The following ZSWIM5 variants were observed in gnomAD, a reference collection of about 807,000 sequenced individuals.
ZSWIM5 encodes zinc finger SWIM-type containing 5.
ZSWIM5 carries 55 observed loss-of-function variants against 119.6 expected under a neutral mutation model. The ratio of observed to expected loss-of-function variants is 0.46; its 90% CI spans 0.37 to 0.58. The LOEUF is 0.58. Among genes scored for constraint, ZSWIM5 ranks in the 20% least tolerant of loss-of-function variants. ZSWIM5 has a pLI of 0.00. For missense variants in ZSWIM5, 1,193 were observed against 1,512.8 expected (o/e 0.79, Z 3.51); for synonymous variants, 537 against 606.9 (o/e 0.88, Z 1.69).
chr1:45,160,158 T>C (rs565431934), intron 1 of ZSWIM5, among the ~76,000 whole-genome samples: 9 of 151,122 alleles, frequency 6.0e-5, no homozygotes, highest in Non-Finnish European at 1.0e-4. Context: ...AAAATATATA[T>C]ACTTTTTTTG....
intron 2 of ZSWIM5, among the ~76,000 whole-genome samples, chr1:45,084,263 C>G (rs1395115442): frequency 4.6e-5 from 7 of 152,128 alleles, no homozygotes; most frequent in African/African-American, 1.4e-4. Context: ...ATCATGAGAA[C>G]AGCAAGGGAT....
intron 1 of ZSWIM5, among the ~76,000 whole-genome samples, chr1:45,156,958 T>G (rs1266091430): frequency 6.6e-6 from 1 of 152,054 alleles, no homozygotes; most frequent in Non-Finnish European, 1.5e-5. Context: ...CTTTACACAC[T>G]TCCAATGAAC....
chr1:45,112,671 G>A (rs1286397926), intron 1 of ZSWIM5, among the ~76,000 whole-genome samples: 1 of 152,158 alleles, frequency 6.6e-6, no homozygotes, highest in Non-Finnish European at 1.5e-5. Flanking sequence ...AGTAACTCTT[G>A]TAATTTAGCA....
At chr1:45,182,376 C>A in intron 1 of ZSWIM5, among the ~76,000 whole-genome samples, 1 of 149,464 alleles carries the variant, frequency 6.7e-6, no homozygotes, top group African/African-American at 2.5e-5. Context: ...AGCACTCCCG[C>A]CTGGGCGACA....
intron 1 of ZSWIM5, among the ~76,000 whole-genome samples, chr1:45,126,263 T>G (rs1336524097): frequency 7.7e-6 from 1 of 129,810 alleles, no homozygotes; most frequent in Non-Finnish European, 1.7e-5. Context: ...ACTGAAAAAA[T>G]AAATAAAATT....
At chr1:45,084,448 C>T (rs1645312994) in intron 2 of ZSWIM5, among the ~76,000 whole-genome samples, 1 of 152,194 alleles carries the variant, frequency 6.6e-6, no homozygotes, top group African/African-American at 2.4e-5. Flanking sequence ...CCCTTCTCAA[C>T]AGTCCCCCAA....
At chr1:45,104,011 C>G in intron 1 of ZSWIM5, among the ~76,000 whole-genome samples, 1 of 152,254 alleles carries the variant, frequency 6.6e-6, no homozygotes, top group East Asian at 1.9e-4. Context: ...TTCTTATAGT[C>G]AGTTAAAAAG....
intron 1 of ZSWIM5, among the ~76,000 whole-genome samples, chr1:45,122,795 C>A (rs1048578229): frequency 6.6e-6 from 1 of 152,168 alleles, no homozygotes; most frequent in African/African-American, 2.4e-5. Flanking sequence ...CAGTTCTACT[C>A]CAGACAAACA....
intron 1 of ZSWIM5, among the ~76,000 whole-genome samples, chr1:45,201,754 A>C (rs557504284): frequency 6.6e-6 from 1 of 152,348 alleles, no homozygotes; most frequent in South Asian, 2.1e-4. Context: ...GAAGAAATTG[A>C]TAAATCACCA....
At chr1:45,158,297 T>C (rs1398145737) in intron 1 of ZSWIM5, among the ~76,000 whole-genome samples, 1 of 151,902 alleles carries the variant, frequency 6.6e-6, no homozygotes, top group Non-Finnish European at 1.5e-5. Context: ...GCCTCCAGAG[T>C]AGCTGGGATT....
At chr1:45,040,272 G>A in intron 7 of ZSWIM5, 120 bp downstream of exon 7, 2 of 1,064,014 alleles carry the variant, frequency 1.9e-6, no homozygotes, top group South Asian at 4.3e-5. Context: ...GATAAAGTGA[G>A]GCATTCCACA....
chr1:45,153,834 T>TAC (rs1215706088), intron 1 of ZSWIM5, among the ~76,000 whole-genome samples: 1 of 152,130 alleles, frequency 6.6e-6, no homozygotes, highest in African/African-American at 2.4e-5. Context: ...GATATGACTG[T>TAC]ATACCTAGAA....
At chr1:45,040,364 G>A (rs1055670586) in intron 7 of ZSWIM5, 28 bp downstream of exon 7, 8 of 1,571,246 alleles carry the variant, frequency 5.1e-6, no homozygotes, top group Admixed American at 3.6e-5. Flanking sequence ...TGGGCCTAAG[G>A]GGGTTAGATG....
intron 1 of ZSWIM5, among the ~76,000 whole-genome samples, chr1:45,092,538 A>C (rs867820158): frequency 0.1 from 5,724 of 55,950 alleles, 4 homozygotes; most frequent in Middle Eastern, 0.15. Context: ...CTCGTGATCC[A>C]CCCCCCCCCC....
chr1:45,095,199 C>G (rs1267499218), intron 1 of ZSWIM5, among the ~76,000 whole-genome samples: 1 of 151,614 alleles, frequency 6.6e-6, no homozygotes, highest in Non-Finnish European at 1.5e-5. Context: ...GTGATCATGG[C>G]TTACTGCAGC....
intron 1 of ZSWIM5, among the ~76,000 whole-genome samples, chr1:45,089,127 C>T (rs1020852905): frequency 7.2e-5 from 11 of 152,018 alleles, no homozygotes; most frequent in African/African-American, 1.2e-4. Context: ...TAATGAAAAA[C>T]GAGCCAGGCA....
chr1:45,105,842 T>G (rs1247680072), intron 1 of ZSWIM5, among the ~76,000 whole-genome samples: 1 of 142,800 alleles, frequency 7.0e-6, no homozygotes, highest in Non-Finnish European at 1.5e-5. Context: ...GTCTGGGATG[T>G]GAGGAGCACC....
chr1:45,182,410 ACAAACAAAC>A (rs751726862), intron 1 of ZSWIM5, among the ~76,000 whole-genome samples: 7 of 142,620 alleles, frequency 4.9e-5, no homozygotes, highest in Non-Finnish European at 9.1e-5. Context: ...TCTCAAAAAA[ACAAACAAAC>A]AAACAAACAA....
At chr1:45,032,380 T>C (rs894484799) in intron 11 of ZSWIM5, among the ~76,000 whole-genome samples, 14 of 152,328 alleles carry the variant, frequency 9.2e-5, no homozygotes, top group African/African-American at 3.4e-4. Context: ...TCCTTCTGCC[T>C]TGGCCTCCTA....
Sources: allele counts gnomAD v4.1 joint callset (sites outside exome capture counted in the v4.1 genomes callset), GRCh38; gene constraint gnomAD v4.1.1; transcripts MANE v1.5; gene names NCBI Gene and HGNC (gene_info 2026-07-23, HGNC 2026-07-21).